PARP1: variants seen among roughly 807,000 people sequenced by gnomAD.
PARP1 encodes poly [ADP-ribose] polymerase 1.
In PARP1, 44 loss-of-function variants were observed where a neutral mutation model predicts 118.7. The observed-to-expected ratio is 0.37, with a 90% confidence interval of 0.29 to 0.48. The LOEUF (loss-of-function observed/expected upper bound fraction) is 0.48, where lower values mean the gene tolerates loss of function less well. Among genes scored for constraint, PARP1 ranks in the 20% least tolerant of loss-of-function variants. The probability of loss-of-function intolerance (pLI) is 0.99; values close to 1 mark genes in which losing one functional copy is unlikely to be tolerated. For synonymous variants in PARP1, 492 were observed against 483.2 expected (o/e 1.02, Z -0.24); for missense variants, 1,100 against 1,272.4 (o/e 0.86, Z 2.06).
chr1:226,401,919 G>T (rs990555458), intron 2 of PARP1: 9 of 1,383,016 alleles, frequency 6.5e-6, no homozygotes, highest in Middle Eastern at 2.6e-4. Flanking sequence ...AGGGGGTACT[G>T]GAAACTCTTT....
At chr1:226,380,363 C>G (rs370893993) in intron 9 of PARP1, among the ~76,000 whole-genome samples, 199 bp from the exon 10 acceptor site, 2 of 152,250 alleles carry the variant, frequency 1.3e-5, no homozygotes, top group East Asian at 3.9e-4. Flanking sequence ...GCCAGGGCAG[C>G]CTTCTCCAAA....
At chr1:226,390,068 A>T (rs1230484185) in intron 4 of PARP1, among the ~76,000 whole-genome samples, 1 of 152,156 alleles carries the variant, frequency 6.6e-6, no homozygotes, top group Admixed American at 6.5e-5. Context: ...ACAAATACCC[A>T]GGGAAGGAAG....
intron 19 of PARP1, 134 bp downstream of exon 19, chr1:226,364,868 T>C: frequency 1.0e-6 from 1 of 999,816 alleles, no homozygotes; most frequent in Non-Finnish European, 1.5e-6. Context: ...GTCAGGAGGA[T>C]AAAAGGGTGA....
intron 1 of PARP1, among the ~76,000 whole-genome samples, chr1:226,403,287 T>C (rs1340837264): frequency 6.6e-6 from 1 of 152,220 alleles, no homozygotes; most frequent in Non-Finnish European, 1.5e-5. Context: ...CAAGCGATTC[T>C]CCTGCCTCGG....
intron 1 of PARP1, among the ~76,000 whole-genome samples, chr1:226,406,770 T>C (rs1665156480): frequency 6.6e-6 from 1 of 152,184 alleles, no homozygotes; most frequent in Admixed American, 6.5e-5. Flanking sequence ...ATGACAGGCA[T>C]ATTGTGAAAT....
intron 13 of PARP1, among the ~76,000 whole-genome samples, chr1:226,375,832 G>A (rs904018640): frequency 2.6e-5 from 4 of 152,154 alleles, no homozygotes; most frequent in African/African-American, 9.7e-5. Flanking sequence ...AATGCTCCTG[G>A]TACATTAGGG....
intron 2 of PARP1, chr1:226,393,040 G>A (rs1188409730): frequency 3.2e-5 from 46 of 1,441,080 alleles, no homozygotes; most frequent in Non-Finnish European, 3.9e-5. Context: ...AAAATAGTAA[G>A]TAAAGCCATC....
At chr1:226,406,447 G>A (rs1256509405) in intron 1 of PARP1, among the ~76,000 whole-genome samples, 2 of 152,180 alleles carry the variant, frequency 1.3e-5, no homozygotes, top group African/African-American at 4.8e-5. Context: ...TGTAGGCCCT[G>A]TCTACTTCCC....
At chr1:226,379,082 C>A (rs1377400055) in intron 12 of PARP1, 60 bp downstream of exon 12, 1 of 1,609,208 alleles carries the variant, frequency 6.2e-7, no homozygotes, top group South Asian at 1.1e-5. Context: ...TGGCACAGCA[C>A]TAACCAATGC....
At chr1:226,406,622 C>A (rs1159117819) in intron 1 of PARP1, among the ~76,000 whole-genome samples, 1 of 152,190 alleles carries the variant, frequency 6.6e-6, no homozygotes, top group Non-Finnish European at 1.5e-5. Flanking sequence ...AGTCATTTCC[C>A]GTTTAACCAA....
chr1:226,388,865 C>T, intron 4 of PARP1, 110 bp from the exon 5 acceptor site: 1 of 847,022 alleles, frequency 1.2e-6, no homozygotes, highest in Admixed American at 1.7e-5. Context: ...CCCTGTAGGG[C>T]CTACTCACAC....
At chr1:226,372,944 CAA>C (rs1301625780) in intron 14 of PARP1, among the ~76,000 whole-genome samples, 1 of 152,208 alleles carries the variant, frequency 6.6e-6, no homozygotes, top group Non-Finnish European at 1.5e-5. Flanking sequence ...ACCTCATAAA[CAA>C]AAGTCAGATC....
intron 1 of PARP1, among the ~76,000 whole-genome samples, chr1:226,406,572 A>G (rs1233724372): frequency 6.6e-6 from 1 of 152,222 alleles, no homozygotes; most frequent in Non-Finnish European, 1.5e-5. Flanking sequence ...CAGCTCCATC[A>G]GGTGGCATCC....
chr1:226,364,326 A>C, intron 19 of PARP1: 1 of 437,524 alleles, frequency 2.3e-6, no homozygotes, highest in Non-Finnish European at 4.3e-6. Context: ...CTTTTCTCAA[A>C]TGGGGAACAC....
chr1:226,393,722 T>C (rs1050652263), intron 2 of PARP1, among the ~76,000 whole-genome samples: 2 of 152,144 alleles, frequency 1.3e-5, no homozygotes, highest in Non-Finnish European at 2.9e-5. Flanking sequence ...CTAGAAAAAC[T>C]ACAAGGGAAC....
intron 14 of PARP1, among the ~76,000 whole-genome samples, chr1:226,372,778 T>C (rs1295137991): frequency 1.3e-5 from 2 of 152,148 alleles, no homozygotes; most frequent in African/African-American, 2.4e-5. Flanking sequence ...GAATCACAGA[T>C]AGACCAAGGT....
intron 2 of PARP1, among the ~76,000 whole-genome samples, chr1:226,393,957 C>A (rs978630296): frequency 2.0e-5 from 3 of 152,086 alleles, no homozygotes; most frequent in Non-Finnish European, 4.4e-5. Context: ...CAAAAAAATA[C>A]AATAGACAAA....
At chr1:226,392,394 C>A (rs995170538) in intron 2 of PARP1, 80 bp from the exon 3 acceptor site, 1 of 927,574 alleles carries the variant, frequency 1.1e-6, no homozygotes, top group Non-Finnish European at 1.8e-6. Flanking sequence ...TCTTCTACCT[C>A]CCCAGGATCC....
chr1:226,374,415 G>A (rs545244402), intron 13 of PARP1, 61 bp from the exon 14 acceptor site: 44 of 1,602,178 alleles, frequency 2.7e-5, no homozygotes, highest in Middle Eastern at 3.3e-4. Context: ...AGGTATCTGC[G>A]TCTGTGGGGC....
Sources: allele counts gnomAD v4.1 joint callset (sites outside exome capture counted in the v4.1 genomes callset), GRCh38; gene constraint gnomAD v4.1.1; transcripts MANE v1.5; gene names NCBI Gene and HGNC (gene_info 2026-07-23, HGNC 2026-07-21).